MAP3K20: variants seen among roughly 807,000 people sequenced by gnomAD.
The protein encoded by MAP3K20 is mitogen-activated protein kinase kinase kinase 20, also known as HCCS-4.
Under a neutral mutation model 85.7 loss-of-function variants are expected in MAP3K20, and 40 were observed. The observed-to-expected ratio is 0.47, with a 90% CI of 0.36 to 0.61. MAP3K20 has a LOEUF of 0.61. MAP3K20 is among the 20% of genes least tolerant of loss of function. The pLI is 0.00. For synonymous variants in MAP3K20, 325 were observed against 327.7 expected (o/e 0.99, Z 0.09); for missense variants, 817 against 961.7 (o/e 0.85, Z 1.99).
chr2:173,087,368 T>C (rs560506192), intron 1 of MAP3K20, among the ~76,000 whole-genome samples: 22 of 152,222 alleles, frequency 1.4e-4, no homozygotes, highest in African/African-American at 4.8e-4. Flanking sequence ...AATGTGGAGA[T>C]GTGAGAGGTC....
intron 11 of MAP3K20, chr2:173,222,302 T>G (rs933753661): frequency 6.9e-5 from 68 of 985,770 alleles, no homozygotes; most frequent in Non-Finnish European, 6.3e-5. Context: ...CAGAAATACC[T>G]AAGTGCTGAG....
chr2:173,225,517 C>T lies in MAP3K20; in HGVS notation c.988-4172C>T, dbSNP rs1684358617. Reference sequence around the variant, plus strand: ...GCTGAGGCAGGAGAATCACTTGAACCCGGGAGGCAGAGGTTGCAGTGAGCT... The same window carrying T: ...GCTGAGGCAGGAGAATCACTTGAACTCGGGAGGCAGAGGTTGCAGTGAGCT... On this transcript the variant is annotated intron_variant, in intron 11 of 19. Coordinates refer to ENST00000375213, the MANE Select transcript of MAP3K20 (RefSeq NM_016653.3). 4.7e-6 allele frequency: 4 copies of T among 859,002 alleles called. No individual in the cohort carries two copies. In the South Asian group the frequency reaches 1.6e-4, roughly 35 times the overall value. 53.2% of individuals were successfully genotyped at this position (859,002 alleles called of 1,614,324 possible). A position where few individuals can be genotyped will look rare whatever the true frequency, so the allele number is the denominator to read the frequency against.
intron 18 of MAP3K20, among the ~76,000 whole-genome samples, 192 bp downstream of exon 18, chr2:173,261,329 C>T (rs1685286857): frequency 6.6e-6 from 1 of 152,162 alleles, no homozygotes; most frequent in South Asian, 2.1e-4. Context: ...GAAAAGAGAA[C>T]AGGATAAACT....
chr2:173,209,867 T>C, intron 10 of MAP3K20, 32 bp downstream of exon 10: 1 of 1,578,732 alleles, frequency 6.3e-7, no homozygotes, highest in Non-Finnish European at 8.7e-7. Context: ...CCACAGCGTC[T>C]GGCTTTCAAA....
At chr2:173,193,068 G>C (rs1690710771) in intron 7 of MAP3K20, 1 of 152,210 alleles carries the variant, frequency 6.6e-6, no homozygotes, top group African/African-American at 2.4e-5. Flanking sequence ...TGGAACAAGA[G>C]GGCTTGGGAA....
rs1233277771 is a variant in MAP3K20 at position 173,090,616 on chromosome 2, G to A, written c.-34-382G>A. On this transcript the variant is annotated intron_variant, in intron 1 of 19. Transcript: ENST00000375213. The stretch of plus-strand genomic sequence containing the variant: ...GTGGCATGCCTCAGATGCCAGGGGA[G>A]CTATGCAAGCTTGCTGTGGAAAGCA... 5.0e-6 allele frequency: 5 copies of A among 992,052 alleles called. No homozygotes were observed. In the South Asian group the frequency reaches 1.8e-4, roughly 36 times the overall value. The allele number at this position is 992,052 out of a possible 1,614,324, so 61.5% of individuals were successfully genotyped here. A position where few individuals can be genotyped will look rare whatever the true frequency, so the allele number is the denominator to read the frequency against.
chr2:173,240,556 A>G lies in MAP3K20; in HGVS notation c.1359+1060A>G, dbSNP rs146094638. On this transcript the variant is annotated intron_variant, in intron 16 of 19. Coordinates refer to ENST00000375213, the MANE Select transcript of MAP3K20 (RefSeq NM_016653.3). ...GGGATTTCTCAAAAGAAGACATACA[A>G]ATGGCCAACAGGTATATGGAAAATG... 1.1e-3 allele frequency among the ~76,000 whole-genome samples: 173 copies of G among 152,320 alleles called. 2 individuals are homozygous for G. The highest frequency in any genetic ancestry group is 4.0e-3 in the African/African-American group (168 of 41,584).
At chr2:173,126,396 T>C (rs1388672602) in intron 2 of MAP3K20, among the ~76,000 whole-genome samples, 1 of 152,096 alleles carries the variant, frequency 6.6e-6, no homozygotes, top group Non-Finnish European at 1.5e-5. Flanking sequence ...GTTTTTGTTT[T>C]TGAGACAGAG....
At chr2:173,239,527 T>C (rs766353231) in intron 16 of MAP3K20, 31 bp downstream of exon 16, 24 of 1,594,630 alleles carry the variant, frequency 1.5e-5, no homozygotes, top group Non-Finnish European at 2.1e-5. Flanking sequence ...TTTGGATAAA[T>C]CTCAATCGAA....
intron 11 of MAP3K20, chr2:173,221,401 C>T: frequency 6.2e-7 from 1 of 1,613,988 alleles, no homozygotes. Context: ...CTTCCAAAAC[C>T]ACATCTAAGA....
rs1685138453 is a variant in MAP3K20, at chr2:173,255,538, G to A, written c.1360-3161G>A. Among the ~76,000 whole-genome samples, 4 of 152,316 alleles carry A rather than the reference G, an allele frequency of 2.6e-5. No individual in the cohort carries two copies. The South Asian group carries it at 8.3e-4, about 32-fold the overall frequency. ...TATCCAATAAAACAGCATGGTGTAA[G>A]TGCCCAGCAACATGCCTAGAGCATA... On this transcript the variant is annotated intron_variant, in intron 16 of 19. Transcript: ENST00000375213.
chr2:173,233,916 C>G (rs560514306), intron 14 of MAP3K20, among the ~76,000 whole-genome samples: 3 of 152,272 alleles, frequency 2.0e-5, no homozygotes, highest in African/African-American at 4.8e-5. Flanking sequence ...GCTGTCTTCT[C>G]CCTCTTAGAA....
At chr2:173,126,162 A>T (rs1272002943) in intron 2 of MAP3K20, among the ~76,000 whole-genome samples, 2 of 152,162 alleles carry the variant, frequency 1.3e-5, no homozygotes, top group African/African-American at 4.8e-5. Context: ...ATATATTTTT[A>T]AAATACTTTG....
rs1397802138 is a variant in MAP3K20, at chr2:173,232,212, C to T, written c.1053C>T (p.Leu351=). Residue 351 remains leucine (L), a synonymous_variant, in exon 13 of 20, where the codon CTC becomes CTT. Transcript: ENST00000375213. The part of the protein sequence containing the change: ...EDDVYCWVQQ[L]VRKGDSSAEM... ...CACAGTATTGTTGGGTTCAGCAGCT[C>T]GTCAGAAAAGGCAAGTGGAATAAGT... is the stretch of plus-strand genomic sequence containing the variant. 2.2e-5 allele frequency: 35 copies of T among 1,614,160 alleles called. No homozygotes were observed. The highest frequency in any genetic ancestry group is 3.0e-5 in the Non-Finnish European group (35 of 1,180,024).
rs375765579 is a variant in MAP3K20 at position 173,077,196 on chromosome 2, A to G, written c.-35+1194A>G. 1.1e-4 allele frequency among the ~76,000 whole-genome samples: 16 copies of G among 152,258 alleles called. No homozygotes were observed. In the East Asian group the frequency reaches 1.9e-3, roughly 18 times the overall value. On this transcript the variant is annotated intron_variant, in intron 1 of 19. Coordinates refer to ENST00000375213, the MANE Select transcript of MAP3K20 (RefSeq NM_016653.3). Reference sequence around the variant, plus strand: ...AACTGTACTCCTTCTTTAACCCCGAAGCTGTTTTGGAAGAGCCTTCTTGCT... The same window carrying G: ...AACTGTACTCCTTCTTTAACCCCGAGGCTGTTTTGGAAGAGCCTTCTTGCT...
chr2:173,163,710 G>A (rs1347419934), intron 2 of MAP3K20, among the ~76,000 whole-genome samples: 1 of 152,142 alleles, frequency 6.6e-6, no homozygotes, highest in Non-Finnish European at 1.5e-5. Flanking sequence ...GTGCTGGGAC[G>A]AACATGTGTC....
chr2:173,113,180 A>G (rs960411030), intron 2 of MAP3K20, among the ~76,000 whole-genome samples: 2 of 152,102 alleles, frequency 1.3e-5, no homozygotes, highest in South Asian at 2.1e-4. Flanking sequence ...TTACGTGAGT[A>G]AAGGTGTTCA....
At chr2:173,086,086 G>A (rs1230193078) in intron 1 of MAP3K20, among the ~76,000 whole-genome samples, 3 of 152,000 alleles carry the variant, frequency 2.0e-5, no homozygotes, top group Admixed American at 1.3e-4. Context: ...GTGAGCCACC[G>A]TGCCTGGCCA....
chr2:173,218,099 T>C (rs1379172143), intron 11 of MAP3K20, among the ~76,000 whole-genome samples: 1 of 152,194 alleles, frequency 6.6e-6, no homozygotes, highest in African/African-American at 2.4e-5. Context: ...TAAACATATA[T>C]TTTAAATTCA....
Sources: gnomAD v4.1 joint callset for allele counts (sites outside exome capture counted in the v4.1 genomes callset) on GRCh38, gnomAD v4.1.1 for gene constraint, MANE v1.5 for transcripts, NCBI Gene and HGNC (gene_info 2026-07-23, HGNC 2026-07-21) for gene names.